Variants in TAS2R1 observed in about 807,000 individuals in gnomAD.
TAS2R1 encodes the protein taste 2 receptor member 1.
For missense variants in TAS2R1, 370 were observed against 353.4 expected (o/e 1.05, Z -0.38); for synonymous variants, 141 against 134.2 (o/e 1.05, Z -0.35).
the TAS2R1 span, among the ~76,000 whole-genome samples, chr5:9,828,288 G>A: frequency 6.6e-6 from 1 of 151,990 alleles, no homozygotes; most frequent in Non-Finnish European, 1.5e-5. Context: ...ACCATGTCTG[G>A]CTAATTTTTG....
the TAS2R1 span, chr5:9,889,621 G>A: frequency 6.6e-6 from 1 of 152,222 alleles, no homozygotes; most frequent in Non-Finnish European, 1.5e-5. Context: ...TAGTGCTTCT[G>A]ACTTTATTGT....
At chr5:9,796,593 C>T in the TAS2R1 span, among the ~76,000 whole-genome samples, 1 of 151,480 alleles carries the variant, frequency 6.6e-6, no homozygotes, top group Non-Finnish European at 1.5e-5. Context: ...AAATTTCCTC[C>T]TTCTGGGAAG....
chr5:9,629,500 G>C lies in TAS2R1; in HGVS notation c.533C>G (p.Ser178Cys), dbSNP rs1739826418. ...KEDTLAIQIF[S>C]FVAEFSVPLL... ...TGGCACTGAGAACTCAGCAACAAAA[G>C]AGAAAATCTGTATAGCCAGTGTATC... Residue 178 changes from serine (S) to cysteine (C), a missense_variant, in exon 1 of 1, where the codon TCT becomes TGT. Physicochemically the swap from Ser to Cys is moderately radical, Grantham distance 112. Coordinates refer to ENST00000382492, the MANE Select transcript of TAS2R1 (RefSeq NM_019599.3). The C allele has an allele frequency of 6.2e-7, 1 of 1,614,048 alleles. No individual in the cohort carries two copies. Among genetic ancestry groups the C allele is most frequent in the Non-Finnish European group, 8.5e-7 (1 of 1,180,044 alleles).
the TAS2R1 span, among the ~76,000 whole-genome samples, chr5:9,805,586 G>A: frequency 2.6e-5 from 4 of 152,016 alleles, no homozygotes; most frequent in African/African-American, 9.7e-5. Context: ...GGTGGGGATG[G>A]TATAACATAT....
the TAS2R1 span, among the ~76,000 whole-genome samples, chr5:9,724,021 A>T: frequency 1.3e-5 from 2 of 152,210 alleles, no homozygotes; most frequent in Non-Finnish European, 1.5e-5. Flanking sequence ...GTGGGGATGT[A>T]GTTGAGAATT....
the TAS2R1 span, among the ~76,000 whole-genome samples, chr5:9,816,137 TC>T: frequency 6.6e-6 from 1 of 152,176 alleles, no homozygotes; most frequent in Non-Finnish European, 1.5e-5. Context: ...ATCATGAGTT[TC>T]CATTAAAAAG....
At chr5:9,875,878 G>A in the TAS2R1 span, among the ~76,000 whole-genome samples, 1 of 152,202 alleles carries the variant, frequency 6.6e-6, no homozygotes, top group African/African-American at 2.4e-5. Flanking sequence ...AACTTCTTTG[G>A]AAAGGGTTTA....
upstream of TAS2R1, among the ~76,000 whole-genome samples, chr5:9,632,564 G>A (rs924488903): frequency 4.6e-5 from 7 of 152,242 alleles, no homozygotes; most frequent in African/African-American, 7.2e-5. Context: ...CTCTCAAACC[G>A]TGCCACTACT....
chr5:9,696,906 G>C (rs1362743376), intron 1 of TAS2R1, among the ~76,000 whole-genome samples: 2 of 152,126 alleles, frequency 1.3e-5, no homozygotes, highest in Admixed American at 6.6e-5. Context: ...CCAGCTACTT[G>C]GGAGGCTGAG....
At chr5:9,848,795 C>T in the TAS2R1 span, among the ~76,000 whole-genome samples, 1 of 152,068 alleles carries the variant, frequency 6.6e-6, no homozygotes, top group Non-Finnish European at 1.5e-5. Flanking sequence ...AAAGAAAATT[C>T]ATTACAACAT....
chr5:9,875,280 T>TCC, the TAS2R1 span, among the ~76,000 whole-genome samples: 15 of 152,154 alleles, frequency 9.9e-5, no homozygotes, highest in Non-Finnish European at 2.9e-5. Flanking sequence ...AAAGGGTATG[T>TCC]CCTACCTACA....
chr5:9,866,152 T>A, the TAS2R1 span, among the ~76,000 whole-genome samples: 2 of 152,202 alleles, frequency 1.3e-5, no homozygotes, highest in Non-Finnish European at 2.9e-5. Context: ...GTTTACTAAT[T>A]CTCTCTACTA....
chr5:9,772,178 T>TC, the TAS2R1 span, among the ~76,000 whole-genome samples: 2 of 152,134 alleles, frequency 1.3e-5, no homozygotes, highest in Admixed American at 1.3e-4. Context: ...TTTTGCTATA[T>TC]CCCATAGGTT....
chr5:9,875,446 G>A, the TAS2R1 span, among the ~76,000 whole-genome samples: 5 of 152,210 alleles, frequency 3.3e-5, no homozygotes, highest in Admixed American at 6.5e-5. Flanking sequence ...AGACATTTAT[G>A]AGCTTGGTCC....
intron 2 of TAS2R1, among the ~76,000 whole-genome samples, chr5:9,659,142 C>A (rs1416122072): frequency 6.6e-6 from 1 of 152,164 alleles, no homozygotes; most frequent in Non-Finnish European, 1.5e-5. Flanking sequence ...GCTTGATAAC[C>A]TCTGAGAAAA....
the TAS2R1 span, among the ~76,000 whole-genome samples, chr5:9,852,387 C>G: frequency 6.6e-6 from 1 of 151,468 alleles, no homozygotes; most frequent in Non-Finnish European, 1.5e-5. Flanking sequence ...TCTCCTGTTT[C>G]TGTCAGGAGG....
At chr5:9,712,913 C>A (rs769779229), upstream of TAS2R1, among the ~76,000 whole-genome samples, 14 of 151,522 alleles carry the variant, frequency 9.2e-5, no homozygotes, top group Non-Finnish European at 1.8e-4. Context: ...AACTAATATA[C>A]CCACCCTCCC....
At chr5:9,789,651 T>C in the TAS2R1 span, among the ~76,000 whole-genome samples, 1 of 152,250 alleles carries the variant, frequency 6.6e-6, no homozygotes. Context: ...CAGTCTCTCC[T>C]TAGTTTAAAT....
chr5:9,863,793 G>A, the TAS2R1 span, among the ~76,000 whole-genome samples: 2 of 152,168 alleles, frequency 1.3e-5, no homozygotes, highest in Non-Finnish European at 2.9e-5. Context: ...GCATCATTTG[G>A]ATAGTGGTGT....
Sources: gnomAD v4.1 joint callset for allele counts (sites outside exome capture counted in the v4.1 genomes callset) on GRCh38, gnomAD v4.1.1 for gene constraint, MANE v1.5 for transcripts, NCBI Gene and HGNC (gene_info 2026-07-23, HGNC 2026-07-21) for gene names.